The following ALCAM variants were observed in gnomAD, a reference collection of about 807,000 sequenced individuals.
ALCAM encodes the protein activated leukocyte cell adhesion molecule.
In ALCAM, 30 loss-of-function variants were observed where a neutral mutation model predicts 70.9. That is an observed-to-expected ratio of 0.42 (90% CI 0.32 to 0.57). ALCAM has a LOEUF of 0.57. Among genes scored for constraint, ALCAM ranks in the 20% least tolerant of loss-of-function variants. The pLI is 0.11. For synonymous variants in ALCAM, 249 were observed against 242.5 expected (o/e 1.03, Z -0.25); for missense variants, 591 against 695.1 (o/e 0.85, Z 1.68).
At chr3:105,493,555 C>A (rs1462719086) in intron 1 of ALCAM, among the ~76,000 whole-genome samples, 1 of 151,890 alleles carries the variant, frequency 6.6e-6, no homozygotes. Context: ...ACTTCCTGGC[C>A]GCAGTGAGGA....
intron 8 of ALCAM, 144 bp from the exon 9 acceptor site, chr3:105,545,079 C>A: frequency 1.6e-6 from 1 of 644,658 alleles, no homozygotes; most frequent in Non-Finnish European, 2.9e-6. Context: ...TGCTATAGTC[C>A]AATTATTTTA....
At chr3:105,453,794 G>A (rs75697871) in intron 1 of ALCAM, among the ~76,000 whole-genome samples, 1 of 152,116 alleles carries the variant, frequency 6.6e-6, no homozygotes, top group Non-Finnish European at 1.5e-5. Flanking sequence ...CACATCCCAT[G>A]TTAGCTGTAT....
intron 1 of ALCAM, among the ~76,000 whole-genome samples, chr3:105,432,065 T>C (rs1267732773): frequency 4.6e-5 from 7 of 152,172 alleles, no homozygotes; most frequent in Non-Finnish European, 1.0e-4. Flanking sequence ...TATACATTTA[T>C]GACAGAATTA....
chr3:105,428,594 G>GT (rs1936852111), intron 1 of ALCAM, among the ~76,000 whole-genome samples: 1 of 151,814 alleles, frequency 6.6e-6, no homozygotes, highest in Non-Finnish European at 1.5e-5. Context: ...TTACAGTCCT[G>GT]ACCTCTGGTA....
intron 1 of ALCAM, among the ~76,000 whole-genome samples, chr3:105,387,079 T>C (rs1338660825): frequency 6.6e-6 from 1 of 151,600 alleles, no homozygotes; most frequent in African/African-American, 2.4e-5. Context: ...AATCTTGAGA[T>C]TTTTTCCACA....
At chr3:105,506,212 T>C (rs986048592) in intron 1 of ALCAM, among the ~76,000 whole-genome samples, 4 of 152,220 alleles carry the variant, frequency 2.6e-5, no homozygotes, top group African/African-American at 9.6e-5. Context: ...TGAGGCTTCC[T>C]GCAATTCACA....
intron 14 of ALCAM, among the ~76,000 whole-genome samples, chr3:105,570,005 G>T (rs1559660637): frequency 6.6e-6 from 1 of 152,110 alleles, no homozygotes; most frequent in Non-Finnish European, 1.5e-5. Flanking sequence ...TGATAGAATT[G>T]TGTAATCAGC....
intron 3 of ALCAM, among the ~76,000 whole-genome samples, chr3:105,528,939 T>C (rs1939772589): frequency 6.6e-6 from 1 of 152,228 alleles, no homozygotes; most frequent in Non-Finnish European, 1.5e-5. Context: ...TTGTTCAAGA[T>C]ACTGGCACAT....
At position 105,541,746 on chromosome 3, in the gene ALCAM, A is replaced by C; in HGVS notation, c.972A>C (p.Ser324=). Reference sequence around the variant, plus strand: ...TAGACAAAAAAAGCATGATTGCTTCAACAGCTATCACAGTTCACTGTAAGT... The same window carrying C: ...TAGACAAAAAAAGCATGATTGCTTCCACAGCTATCACAGTTCACTGTAAGT... ...SLIDKKSMIA[S]TAITVHYLDL... Residue 324 remains serine (S), a synonymous_variant, in exon 8 of 16, where the codon TCA becomes TCC. Transcript: ENST00000306107. 1 of 1,612,286 alleles carries C rather than the reference A, an allele frequency of 6.2e-7. No homozygotes were observed. Among genetic ancestry groups the C allele is most frequent in the Non-Finnish European group, 8.5e-7 (1 of 1,178,786 alleles).
intron 1 of ALCAM, among the ~76,000 whole-genome samples, chr3:105,442,237 G>A (rs957578094): frequency 6.6e-6 from 1 of 151,914 alleles, no homozygotes; most frequent in Non-Finnish European, 1.5e-5. Flanking sequence ...TCAGGTTTGA[G>A]GTATCAGGAC....
chr3:105,476,718 A>T (rs1399527577), intron 1 of ALCAM, among the ~76,000 whole-genome samples: 3 of 152,100 alleles, frequency 2.0e-5, no homozygotes, highest in East Asian at 3.9e-4. Context: ...CCAGAAACCT[A>T]GAAAACATTT....
intron 11 of ALCAM, among the ~76,000 whole-genome samples, chr3:105,548,663 G>C (rs945578651): frequency 6.6e-6 from 1 of 151,306 alleles, no homozygotes; most frequent in African/African-American, 2.4e-5. Context: ...CACGTGAAGT[G>C]AATGACTCCT....
intron 1 of ALCAM, among the ~76,000 whole-genome samples, chr3:105,508,013 A>G (rs1039903112): frequency 5.3e-5 from 8 of 152,130 alleles, no homozygotes; most frequent in African/African-American, 1.7e-4. Context: ...AAAGATGCCT[A>G]TCTTCTTGAA....
intron 3 of ALCAM, among the ~76,000 whole-genome samples, chr3:105,526,710 T>TTTTTG (rs997692349): frequency 6.6e-5 from 10 of 152,168 alleles, no homozygotes; most frequent in South Asian, 2.1e-4. Flanking sequence ...TTGGTTTGTT[T>TTTTTG]TTTTGTTTTG....
At chr3:105,448,811 A>T (rs199880452) in intron 1 of ALCAM, among the ~76,000 whole-genome samples, 1 of 152,288 alleles carries the variant, frequency 6.6e-6, no homozygotes, top group East Asian at 1.9e-4. Context: ...ACATCTTTTG[A>T]TGATGAGCAT....
chr3:105,433,651 G>A (rs1322755317), intron 1 of ALCAM, among the ~76,000 whole-genome samples: 1 of 151,276 alleles, frequency 6.6e-6, no homozygotes, highest in African/African-American at 2.4e-5. Flanking sequence ...AGAAGACTGA[G>A]TAATTAAGAT....
At chr3:105,515,977 A>T (rs1370372738) in intron 1 of ALCAM, among the ~76,000 whole-genome samples, 1 of 152,022 alleles carries the variant, frequency 6.6e-6, no homozygotes, top group African/African-American at 2.4e-5. Flanking sequence ...TTCTGAGTCC[A>T]TTGTAGTTGC....
chr3:105,387,636 T>A (rs1334219016), intron 1 of ALCAM, among the ~76,000 whole-genome samples: 1 of 151,616 alleles, frequency 6.6e-6, no homozygotes, highest in African/African-American at 2.4e-5. Context: ...CATTGTTGAA[T>A]CAGTAACGGT....
Position 105,571,879 on chromosome 3 carries a change from C to T in ALCAM, c.1692C>T (p.Asp564=). 1 of 1,613,150 alleles carries T rather than the reference C, an allele frequency of 6.2e-7. No homozygotes were observed. The highest frequency in any genetic ancestry group is 8.5e-7 in the Non-Finnish European group (1 of 1,179,390). The change falls in exon 15 of 16, where the codon GAC becomes GAT. Residue 564 remains aspartate (D), a synonymous_variant. Coordinates refer to ENST00000306107, the MANE Select transcript of ALCAM (RefSeq NM_001627.4). ...SKTASKHVNK[D]LGNMEENKKL... is the part of the protein sequence containing the mutation. The stretch of plus-strand genomic sequence containing the variant: ...CTGCATCAAAACATGTAAACAAGGA[C>T]CTCGGTAATATGGAAGAAAACAAAA...
Sources: allele counts gnomAD v4.1 joint callset (sites outside exome capture counted in the v4.1 genomes callset), GRCh38; gene constraint gnomAD v4.1.1; transcripts MANE v1.5; gene names NCBI Gene and HGNC (gene_info 2026-07-23, HGNC 2026-07-21).